Variants in CACNA1A observed in about 807,000 individuals in gnomAD.
The protein encoded by CACNA1A is voltage-dependent P/Q-type calcium channel subunit alpha-1A.
Under a neutral mutation model 262.4 loss-of-function variants are expected in CACNA1A, and 57 were observed. The observed-to-expected ratio is 0.22, with a 90% confidence interval of 0.18 to 0.27. The LOEUF (loss-of-function observed/expected upper bound fraction) is 0.27, where lower values mean the gene tolerates loss of function less well. Among genes scored for constraint, CACNA1A ranks in the 10% least tolerant of loss-of-function variants. The pLI is 1.00. For synonymous variants in CACNA1A, 1,431 were observed against 1,419.3 expected (o/e 1.01, Z -0.18); for missense variants, 2,526 against 3,562.8 (o/e 0.71, Z 7.41).
Position 13,236,149 on chromosome 19 carries a change from C to T in CACNA1A, c.4951-419G>A, listed in dbSNP as rs895858689. ...CTCCCAACAACCAAATGCACTGAGA[C>T]GAAAGGACACAAGCCGGTCAAGTTG... On this transcript the variant is annotated intron_variant, in intron 31 of 46. Coordinates refer to ENST00000360228, the MANE Select transcript of CACNA1A (RefSeq NM_001127222.2). This position sits in a 1 kb window ranked among gnomAD's most constrained non-coding sequence, Gnocchi z 4.6. Among the ~76,000 whole-genome samples the T allele has an allele frequency of 7.5e-5, 11 of 146,490 alleles. No individual in the cohort carries two copies. Among genetic ancestry groups the T allele is most frequent in the South Asian group, 2.1e-4 (1 of 4,738 alleles).
intron 1 of CACNA1A, among the ~76,000 whole-genome samples, chr19:13,497,861 T>C (rs1294440835): frequency 6.6e-6 from 1 of 152,008 alleles, no homozygotes; most frequent in Non-Finnish European, 1.5e-5. Context: ...ATAGGACTAC[T>C]GTCCCCGTTT....
chr19:13,506,042 G>A lies in CACNA1A; in HGVS notation c.183C>T (p.Leu61=). 1 of 1,613,970 alleles carries A rather than the reference G, an allele frequency of 6.2e-7. No homozygotes were observed. The highest frequency in any genetic ancestry group is 8.5e-7 in the Non-Finnish European group (1 of 1,179,872). ...SMAQRARTMA[L]YNPIPVRQNC... Reference sequence around the variant, plus strand: ...TCTGTCGGACGGGGATGGGGTTGTAGAGTGCCATGGTCCGCGCTCTCTGCG... The same window carrying A: ...TCTGTCGGACGGGGATGGGGTTGTAAAGTGCCATGGTCCGCGCTCTCTGCG... The change falls in exon 1 of 47, where the codon CTC becomes CTT. Residue 61 remains leucine, a synonymous_variant. Coordinates refer to ENST00000360228, the MANE Select transcript of CACNA1A (RefSeq NM_001127222.2).
chr19:13,391,629 G>A (rs1390159381), intron 3 of CACNA1A, among the ~76,000 whole-genome samples: 1 of 152,140 alleles, frequency 6.6e-6, no homozygotes, highest in South Asian at 2.1e-4. Context: ...GGGTGCGGTG[G>A]CTCACATCGG....
intron 15 of CACNA1A, 136 bp from the exon 16 acceptor site, chr19:13,304,020 G>A: frequency 6.1e-6 from 4 of 653,786 alleles, no homozygotes; most frequent in Non-Finnish European, 8.1e-6. Context: ...CCGGTTTGCA[G>A]AGCCAGACTC....
intron 24 of CACNA1A, among the ~76,000 whole-genome samples, chr19:13,264,741 T>A (rs2056822330): frequency 6.6e-6 from 1 of 152,244 alleles, no homozygotes; most frequent in Admixed American, 6.5e-5. Context: ...ACTGCCTACC[T>A]CTGGCTCCTG....
At chr19:13,227,179 C>T (rs1298797859) in intron 37 of CACNA1A, 6 of 261,498 alleles carry the variant, frequency 2.3e-5, no homozygotes, top group Non-Finnish European at 3.6e-5. Context: ...CCCGGCATGT[C>T]GGCCATAATG....
intron 3 of CACNA1A, among the ~76,000 whole-genome samples, chr19:13,441,667 G>GAAAAAAAAA (rs758379687): frequency 1.4e-4 from 16 of 113,884 alleles, no homozygotes; most frequent in African/African-American, 5.4e-4. Context: ...CTGTCTCGAG[G>GAAAAAAAAA]AAAAAAAAAA....
chr19:13,209,286 T>C, intron 45 of CACNA1A, 26 bp downstream of exon 45: 1 of 1,435,382 alleles, frequency 7.0e-7, no homozygotes. Context: ...GTTCTGCTTG[T>C]CCCTGAGCAC....
At position 13,447,546 on chromosome 19, in the gene CACNA1A, T is replaced by C. The variant is rs568896542; in HGVS notation, c.539+5330A>G. ...TATGAAAGGGAGTTTATAAGGAGAA[T>C]TGACTCACACAATCACAAGGTAAAG... is the stretch of plus-strand genomic sequence containing the variant. On this transcript the variant is annotated intron_variant, in intron 3 of 46. Coordinates refer to ENST00000360228, the MANE Select transcript of CACNA1A (RefSeq NM_001127222.2). Among the ~76,000 whole-genome samples the C allele has an allele frequency of 2.6e-5, 4 of 152,306 alleles. 1 individual carries two copies. The highest frequency in any genetic ancestry group is 9.6e-5 in the African/African-American group (4 of 41,584).
At chr19:13,349,196 G>A (rs75375678) in intron 6 of CACNA1A, among the ~76,000 whole-genome samples, 13,700 of 151,980 alleles carry the variant, frequency 0.09, 1,077 homozygotes, top group African/African-American at 0.21. Flanking sequence ...TGGAAGATGG[G>A]GTTAAAAATA....
chr19:13,287,515 T>C (rs370425852), intron 19 of CACNA1A, among the ~76,000 whole-genome samples: 2 of 152,182 alleles, frequency 1.3e-5, no homozygotes, highest in South Asian at 4.2e-4. Context: ...CATCATCTTA[T>C]TTCTTTTCTT....
At chr19:13,380,995 C>T (rs564556802) in intron 3 of CACNA1A, among the ~76,000 whole-genome samples, 2 of 152,036 alleles carry the variant, frequency 1.3e-5, no homozygotes, top group African/African-American at 4.8e-5. Flanking sequence ...AGGCTGGTCT[C>T]GAACTCCTGA....
chr19:13,298,233 C>A lies in CACNA1A; in HGVS notation c.3089+311G>T, dbSNP rs1303280429. Among the ~76,000 whole-genome samples the A allele has an allele frequency of 3.4e-5, 5 of 149,012 alleles. No homozygotes were observed. In the South Asian group the frequency reaches 8.5e-4, roughly 25 times the overall value. On this transcript the variant is annotated intron_variant, in intron 19 of 46. Coordinates refer to ENST00000360228, the MANE Select transcript of CACNA1A (RefSeq NM_001127222.2). Reference sequence around the variant, plus strand: ...GCAACCTCCGCCCCCTGTTTTCAGGCGATTCTCCTGCCTCAGCCTCCTGAG... The same window carrying A: ...GCAACCTCCGCCCCCTGTTTTCAGGAGATTCTCCTGCCTCAGCCTCCTGAG...
intron 10 of CACNA1A, among the ~76,000 whole-genome samples, chr19:13,323,237 T>C (rs113407047): frequency 0.2 from 30,196 of 151,844 alleles, 3,648 homozygotes; most frequent in East Asian, 0.36. Context: ...CCAGCTTGGG[T>C]GACAGAGTGA....
At chr19:13,313,448 C>T (rs1222029460) in intron 11 of CACNA1A, among the ~76,000 whole-genome samples, 2 of 137,000 alleles carry the variant, frequency 1.5e-5, no homozygotes, top group Non-Finnish European at 3.0e-5. Context: ...TGCAGTGAGC[C>T]AAGATTGGGC....
At position 13,207,929 on chromosome 19, in the gene CACNA1A, A is replaced by G; in HGVS notation, c.6905T>C (p.Val2302Ala). Residue 2302 changes from valine (V) to alanine (A), a missense_variant, in exon 47 of 47, where the codon GTG becomes GCG. Coordinates refer to ENST00000360228, the MANE Select transcript of CACNA1A (RefSeq NM_001127222.2). This position sits in a 1 kb window ranked among gnomAD's most constrained non-coding sequence, Gnocchi z 5.7. ...TPRPHVSYSPVIRKAGGSGPP... is the reference protein window; with the variant it reads ...TPRPHVSYSPAIRKAGGSGPP... ...CCCCGAGCCGCCGGCCTTACGGATC[A>G]CAGGGGAATAGGACACGTGTGGCCG... 1 of 1,442,656 alleles carries G rather than the reference A, an allele frequency of 6.9e-7. No homozygotes were observed. Among genetic ancestry groups the G allele is most frequent in the South Asian group, 1.4e-5 (1 of 69,396 alleles). The allele number at this position is 1,442,656 out of a possible 1,614,324, so 89.4% of individuals were successfully genotyped here.
At chr19:13,395,510 G>A (rs1245659702) in intron 3 of CACNA1A, among the ~76,000 whole-genome samples, 2 of 151,370 alleles carry the variant, frequency 1.3e-5, no homozygotes, top group African/African-American at 4.9e-5. Flanking sequence ...TACTTGGGAG[G>A]CTGAGGCAGG....
intron 37 of CACNA1A, 108 bp from the exon 38 acceptor site, chr19:13,224,880 T>C: frequency 1.4e-6 from 1 of 729,182 alleles, no homozygotes; most frequent in Non-Finnish European, 2.3e-6. Context: ...CTCTGAAAGC[T>C]GTGGCGGCTG....
rs36078876 is a variant in CACNA1A at position 13,448,082 on chromosome 19, GAA to G, written c.539+4792_539+4793del. On this transcript the variant is annotated intron_variant, in intron 3 of 46. Coordinates refer to ENST00000360228, the MANE Select transcript of CACNA1A (RefSeq NM_001127222.2). ...AGTGTTCCCATAACCGTGTTATTAT[GAA>G]AAAAAAAAAAAAACAGGGCTGCAAA... Among the ~76,000 whole-genome samples the G allele has an allele frequency of 8.5e-3, 1,045 of 122,240 alleles. 7 individuals carry two copies. The highest frequency in any genetic ancestry group is 0.025 in the African/African-American group (889 of 35,188). The allele number at this position is 122,240 out of a possible 152,430, so 80.2% of individuals were successfully genotyped here.
Sources: gnomAD v4.1 joint callset for allele counts (sites outside exome capture counted in the v4.1 genomes callset) on GRCh38, gnomAD v4.1.1 for gene constraint, Gnocchi (gnomAD v3.1) non-coding constraint, MANE v1.5 for transcripts, NCBI Gene and HGNC (gene_info 2026-07-23, HGNC 2026-07-21) for gene names.